FBXW7: variants seen among roughly 807,000 people sequenced by gnomAD.
FBXW7 encodes F-box/WD repeat-containing protein 7.
FBXW7 carries 11 observed loss-of-function variants against 86.3 expected under a neutral mutation model. That is an observed-to-expected ratio of 0.13 (90% confidence interval 0.08 to 0.21). The LOEUF is 0.21. FBXW7 is among the 10% of genes least tolerant of loss of function. The pLI is 1.00. For missense variants in FBXW7, 488 were observed against 847.4 expected (o/e 0.58, Z 5.27); for synonymous variants, 313 against 297.9 (o/e 1.05, Z -0.52).
chr4:152,443,777 T>A (rs1741120828), intron 2 of FBXW7, among the ~76,000 whole-genome samples: 1 of 152,220 alleles, frequency 6.6e-6, no homozygotes, highest in South Asian at 2.1e-4. Context: ...GGGGTCCTTA[T>A]ACTAGCTTAA....
At chr4:152,529,992 G>A (rs1166077496) in intron 2 of FBXW7, among the ~76,000 whole-genome samples, 1 of 150,070 alleles carries the variant, frequency 6.7e-6, no homozygotes, top group Non-Finnish European at 1.5e-5. Context: ...GGAGGTGGAG[G>A]TTGCAGTGAG....
chr4:152,494,171 G>C (rs1746102656), intron 2 of FBXW7, among the ~76,000 whole-genome samples: 1 of 152,078 alleles, frequency 6.6e-6, no homozygotes, highest in Admixed American at 6.6e-5. Context: ...AACAGCATAA[G>C]GTACTGCAGA....
intron 2 of FBXW7, among the ~76,000 whole-genome samples, chr4:152,521,759 G>A (rs1262172963): frequency 1.3e-5 from 2 of 149,348 alleles, no homozygotes; most frequent in Non-Finnish European, 3.0e-5. Flanking sequence ...AAGAACAGAA[G>A]CAAGGCAATT....
intron 4 of FBXW7, among the ~76,000 whole-genome samples, chr4:152,398,984 T>G (rs962786602): frequency 6.6e-6 from 1 of 152,156 alleles, no homozygotes; most frequent in African/African-American, 2.4e-5. Context: ...TATATATATC[T>G]TACATTTACT....
chr4:152,512,737 A>G lies in FBXW7; in HGVS notation c.-120+22204T>C, dbSNP rs142557082. Among the ~76,000 whole-genome samples, 25 of 152,328 alleles carry G rather than the reference A, an allele frequency of 1.6e-4. No homozygotes were observed. The East Asian group carries it at 3.7e-3, about 22-fold the overall frequency. ...TTAGTGGTTGCCAGGAGACTGCGCA[A>G]AGAGGAAATGGGAAGTGACTCCTTA... On this transcript the variant is annotated intron_variant, in intron 2 of 13. Coordinates refer to ENST00000281708, the MANE Select transcript of FBXW7 (RefSeq NM_001349798.2).
chr4:152,496,515 T>C (rs1746356109), intron 2 of FBXW7, among the ~76,000 whole-genome samples: 1 of 151,902 alleles, frequency 6.6e-6, no homozygotes, highest in South Asian at 2.1e-4. Flanking sequence ...CTGTCTCTAC[T>C]AAAAATACAA....
rs375017480 is a variant in FBXW7 at position 152,360,836 on chromosome 4, A to AATATAT, written c.502-10718_502-10713dup. ...TAGAAAAATATATTAAAATATATTA[A>AATATAT]ATATATATATATATATAAAATATAG... On this transcript the variant is annotated intron_variant, in intron 4 of 13. Transcript: ENST00000281708. Among the ~76,000 whole-genome samples the AATATAT allele has an allele frequency of 5.5e-5, 8 of 146,530 alleles. No individual in the cohort carries two copies. The East Asian group carries it at 7.8e-4, about 14-fold the overall frequency.
intron 4 of FBXW7, among the ~76,000 whole-genome samples, chr4:152,371,767 G>A (rs1163328889): frequency 6.6e-6 from 1 of 151,958 alleles, no homozygotes. Flanking sequence ...TATCCCAAGT[G>A]CCTAGAACTG....
At position 152,411,647 on chromosome 4, in the gene FBXW7, T is replaced by C. The variant is rs1376951772; in HGVS notation, c.157A>G (p.Thr53Ala). The change falls in exon 4 of 14, where the codon ACT (threonine) becomes GCT (alanine). Residue 53 changes from threonine to alanine, a missense_variant. Physicochemically the swap from Thr to Ala is moderately conservative, Grantham distance 58. Around this residue, in one of 4 missense-constraint regions of FBXW7, gnomAD observed 230 missense variants for 240.0 expected, o/e 0.96. Coordinates refer to ENST00000281708, the MANE Select transcript of FBXW7 (RefSeq NM_001349798.2). ...QQLRQQEEEH[T>A]ARNGEVVGVE... ...CCAACAACTTCACCATTCCTTGCAG[T>C]GTGCTCCTCCTCTTGTTGTCTGAGT... 1.2e-6 allele frequency: 2 copies of C among 1,613,890 alleles called. No individual in the cohort carries two copies. The highest frequency in any genetic ancestry group is 2.7e-5 in the African/African-American group (2 of 74,920).
At chr4:152,398,189 G>C (rs189444683) in intron 4 of FBXW7, among the ~76,000 whole-genome samples, 2 of 152,010 alleles carry the variant, frequency 1.3e-5, no homozygotes. Context: ...CACAAAGTAG[G>C]AGAGAAAGAC....
chr4:152,466,869 G>A (rs564130174), intron 2 of FBXW7, among the ~76,000 whole-genome samples: 12 of 152,306 alleles, frequency 7.9e-5, no homozygotes, highest in Non-Finnish European at 1.5e-4. Flanking sequence ...GTGAACCCAG[G>A]AGGCAGAGCT....
intron 4 of FBXW7, among the ~76,000 whole-genome samples, chr4:152,377,573 G>A (rs1560824516): frequency 6.6e-6 from 1 of 150,376 alleles, no homozygotes; most frequent in Non-Finnish European, 1.5e-5. Context: ...CCAACATGGT[G>A]GAGCCCTGTC....
At chr4:152,498,889 G>C (rs908516659) in intron 2 of FBXW7, among the ~76,000 whole-genome samples, 1 of 152,104 alleles carries the variant, frequency 6.6e-6, no homozygotes, top group African/African-American at 2.4e-5. Context: ...GAGTATAAGT[G>C]CTTGACAATT....
chr4:152,523,031 A>G (rs1192742416), intron 2 of FBXW7, among the ~76,000 whole-genome samples: 1 of 152,266 alleles, frequency 6.6e-6, no homozygotes, highest in Non-Finnish European at 1.5e-5. Flanking sequence ...CCACCAAGTG[A>G]CAATTGAAAG....
intron 2 of FBXW7, among the ~76,000 whole-genome samples, chr4:152,487,028 T>C (rs1277741782): frequency 6.6e-6 from 1 of 152,100 alleles, no homozygotes; most frequent in Non-Finnish European, 1.5e-5. Flanking sequence ...CAATAATGGA[T>C]TTTAGTTCAC....
chr4:152,348,717 T>C (rs960131216), intron 5 of FBXW7: 1 of 1,173,064 alleles, frequency 8.5e-7, no homozygotes, highest in Non-Finnish European at 1.1e-6. Context: ...CTGATACATT[T>C]AAAAAATAGC....
chr4:152,351,949 T>C (rs932115501), intron 4 of FBXW7, among the ~76,000 whole-genome samples: 4 of 152,170 alleles, frequency 2.6e-5, no homozygotes, highest in African/African-American at 9.6e-5. Flanking sequence ...TGTATGACTA[T>C]AGAAGTCTTT....
At chr4:152,359,907 C>T (rs1194110212) in intron 4 of FBXW7, among the ~76,000 whole-genome samples, 2 of 152,116 alleles carry the variant, frequency 1.3e-5, no homozygotes, top group African/African-American at 2.4e-5. Context: ...CATGGTCTTG[C>T]TTCTGTGTTT....
At chr4:152,401,778 C>CATATGGG (rs1301945264) in intron 4 of FBXW7, among the ~76,000 whole-genome samples, 1 of 152,148 alleles carries the variant, frequency 6.6e-6, no homozygotes, top group Non-Finnish European at 1.5e-5. Flanking sequence ...CACCAGGGGG[C>CATATGGG]ATATGGGAAC....
Sources: gnomAD v4.1 joint callset for allele counts (sites outside exome capture counted in the v4.1 genomes callset) on GRCh38, gnomAD v4.1.1 for gene constraint, gnomAD v4.1.1 regional missense constraint, MANE v1.5 for transcripts, NCBI Gene and HGNC (gene_info 2026-07-23, HGNC 2026-07-21) for gene names.